Variants in NSMCE2 observed in about 807,000 individuals in gnomAD.
NSMCE2 encodes NSE2 SUMO ligase component of SMC5/6 complex.
Under a neutral mutation model 23.8 loss-of-function variants are expected in NSMCE2, and 24 were observed. That is an observed-to-expected ratio of 1.01 (90% CI 0.73 to 1.42). The LOEUF is 1.42. Ranked by LOEUF, NSMCE2 falls within the 40% of genes most tolerant of loss-of-function variation. The probability of loss-of-function intolerance (pLI) is 0.00; values close to 1 mark genes in which losing one functional copy is unlikely to be tolerated. For synonymous variants in NSMCE2, 92 were observed against 94.1 expected (o/e 0.98, Z 0.13); for missense variants, 284 against 296.5 (o/e 0.96, Z 0.31).
chr8:125,142,720 C>G (rs1820445274), intron 3 of NSMCE2, among the ~76,000 whole-genome samples: 1 of 151,874 alleles, frequency 6.6e-6, no homozygotes, highest in Admixed American at 6.6e-5. Flanking sequence ...TTCTCCTGCC[C>G]CAGGCTCCCG....
Position 125,366,994 on chromosome 8 carries a change from T to A in NSMCE2, c.*109T>A. 1.5e-6 allele frequency: 1 copy of A among 656,246 alleles called. No individual in the cohort carries two copies. Among genetic ancestry groups the A allele is most frequent in the Non-Finnish European group, 2.8e-6 (1 of 360,260 alleles). The allele number at this position is 656,246 out of a possible 1,614,324, so 40.7% of individuals were successfully genotyped here. Reference sequence around the variant, plus strand: ...AGGGACTGGCTGCATAGCATACTTGTTGGGGGTAAAACTTGTTGCTTTTAT... The same window carrying A: ...AGGGACTGGCTGCATAGCATACTTGATGGGGGTAAAACTTGTTGCTTTTAT... On this transcript the variant is annotated 3_prime_UTR_variant, in exon 8 of 8. Transcript: ENST00000287437.
intron 5 of NSMCE2, among the ~76,000 whole-genome samples, chr8:125,320,299 A>T (rs554148594): frequency 8.5e-4 from 108 of 126,860 alleles, no homozygotes; most frequent in African/African-American, 2.9e-3. Flanking sequence ...GAAGGAAGGA[A>T]GGAAGGAAGG....
chr8:125,330,578 G>GTT (rs1829838983), intron 5 of NSMCE2, among the ~76,000 whole-genome samples: 1 of 152,130 alleles, frequency 6.6e-6, no homozygotes, highest in East Asian at 1.9e-4. Flanking sequence ...GAGAAACACA[G>GTT]ATCTGCTCTG....
At chr8:125,332,167 T>A (rs756176375) in intron 5 of NSMCE2, among the ~76,000 whole-genome samples, 5 of 152,270 alleles carry the variant, frequency 3.3e-5, no homozygotes, top group Non-Finnish European at 7.4e-5. Flanking sequence ...TTGAATAAAT[T>A]CTCCTAAATA....
intron 5 of NSMCE2, among the ~76,000 whole-genome samples, chr8:125,272,012 TTC>T (rs1827216878): frequency 2.7e-5 from 2 of 74,616 alleles, no homozygotes; most frequent in African/African-American, 5.0e-5. Context: ...TGCAGTTTCT[TTC>T]TTTTTTTTTT....
At chr8:125,356,606 C>T (rs1375892364) in intron 5 of NSMCE2, among the ~76,000 whole-genome samples, 1 of 152,100 alleles carries the variant, frequency 6.6e-6, no homozygotes, top group African/African-American at 2.4e-5. Flanking sequence ...GGATTAAAGG[C>T]GTGAGCCACC....
At chr8:125,322,054 T>C (rs1368638853) in intron 5 of NSMCE2, among the ~76,000 whole-genome samples, 2 of 152,242 alleles carry the variant, frequency 1.3e-5, no homozygotes, top group African/African-American at 4.8e-5. Flanking sequence ...AAGATCTTTT[T>C]TCCATTTTTT....
At chr8:125,308,416 T>C (rs1828843372) in intron 5 of NSMCE2, among the ~76,000 whole-genome samples, 1 of 152,222 alleles carries the variant, frequency 6.6e-6, no homozygotes, top group Non-Finnish European at 1.5e-5. Context: ...GTCAGAGAAG[T>C]CTTTTTCCTT....
chr8:125,307,153 C>T (rs188782947), intron 5 of NSMCE2, among the ~76,000 whole-genome samples: 75 of 152,188 alleles, frequency 4.9e-4, no homozygotes, highest in African/African-American at 1.8e-3. Context: ...GGTACCGGTC[C>T]CTGGTAGATT....
intron 3 of NSMCE2, among the ~76,000 whole-genome samples, chr8:125,114,193 A>G (rs369462971): frequency 1.3e-5 from 2 of 151,936 alleles, no homozygotes; most frequent in South Asian, 4.2e-4. Flanking sequence ...TTTTCTCTCG[A>G]CTGTTTAATA....
chr8:125,233,472 G>A (rs1033488782), intron 5 of NSMCE2, among the ~76,000 whole-genome samples: 8 of 152,018 alleles, frequency 5.3e-5, no homozygotes, highest in African/African-American at 1.9e-4. Context: ...CACATGTGGA[G>A]TTTTTTATTT....
intron 5 of NSMCE2, among the ~76,000 whole-genome samples, chr8:125,331,029 C>T (rs1270185982): frequency 1.3e-5 from 2 of 152,140 alleles, no homozygotes; most frequent in African/African-American, 2.4e-5. Flanking sequence ...TGACTGGGCG[C>T]GGTGGCTCAC....
At chr8:125,233,295 C>T (rs1825408269) in intron 5 of NSMCE2, among the ~76,000 whole-genome samples, 1 of 152,144 alleles carries the variant, frequency 6.6e-6, no homozygotes, top group Non-Finnish European at 1.5e-5. Flanking sequence ...ATTTTTAAAG[C>T]ACGGTAAATC....
intron 1 of NSMCE2, among the ~76,000 whole-genome samples, chr8:125,096,984 G>C (rs1817969383): frequency 6.6e-6 from 1 of 151,958 alleles, no homozygotes; most frequent in Non-Finnish European, 1.5e-5. Context: ...GTAAATTTCT[G>C]TTTTTTGATC....
chr8:125,195,704 C>CACTTTACA (rs1233657713), intron 5 of NSMCE2, among the ~76,000 whole-genome samples: 6 of 152,010 alleles, frequency 3.9e-5, no homozygotes, highest in Non-Finnish European at 8.8e-5. Flanking sequence ...ACCATCAACC[C>CACTTTACA]ACTTTACAGT....
intron 5 of NSMCE2, among the ~76,000 whole-genome samples, chr8:125,259,064 G>A (rs1215439741): frequency 3.9e-5 from 6 of 152,096 alleles, no homozygotes; most frequent in Admixed American, 6.6e-5. Flanking sequence ...TATCACACCC[G>A]GCTAATTTTA....
chr8:125,316,689 TCCTTCTTTCCTTC>T (rs1829204575), intron 5 of NSMCE2, among the ~76,000 whole-genome samples: 1 of 76,556 alleles, frequency 1.3e-5, no homozygotes. Flanking sequence ...CTTCTTATCT[TCCTTCTTTCCTTC>T]CTTCCTTCTT....
chr8:125,222,338 A>G (rs2130919762), intron 5 of NSMCE2, among the ~76,000 whole-genome samples: 1 of 152,286 alleles, frequency 6.6e-6, no homozygotes, highest in East Asian at 1.9e-4. Context: ...TAATTGACAT[A>G]TCTGTCACCT....
intron 4 of NSMCE2, among the ~76,000 whole-genome samples, chr8:125,154,911 T>C (rs1821232880): frequency 6.6e-6 from 1 of 152,192 alleles, no homozygotes; most frequent in Non-Finnish European, 1.5e-5. Flanking sequence ...ATTAAGTACA[T>C]TGAAGAGACA....
Sources: gnomAD v4.1 joint callset for allele counts (sites outside exome capture counted in the v4.1 genomes callset) on GRCh38, gnomAD v4.1.1 for gene constraint, MANE v1.5 for transcripts, NCBI Gene and HGNC (gene_info 2026-07-23, HGNC 2026-07-21) for gene names.